Variants in SPIDR observed in about 807,000 individuals in gnomAD.
SPIDR encodes DNA repair-scaffolding protein.
In SPIDR, 93 loss-of-function variants were observed where a neutral mutation model predicts 104.6. The observed-to-expected ratio is 0.89, with a 90% CI of 0.75 to 1.06. The LOEUF (loss-of-function observed/expected upper bound fraction) is 1.06, where lower values mean the gene tolerates loss of function less well. SPIDR is among the 50% of genes least tolerant of loss of function. The pLI, the probability that SPIDR is intolerant of heterozygous loss-of-function variation, is 0.00. For synonymous variants in SPIDR, 431 were observed against 416.9 expected (o/e 1.03, Z -0.41); for missense variants, 1,154 against 1,111.2 (o/e 1.04, Z -0.55).
intron 11 of SPIDR, among the ~76,000 whole-genome samples, chr8:47,687,029 T>TA (rs2077919014): frequency 6.6e-6 from 1 of 152,208 alleles, no homozygotes; most frequent in Non-Finnish European, 1.5e-5. Context: ...TTGCAGTTTT[T>TA]ACCATTACTT....
intron 14 of SPIDR, among the ~76,000 whole-genome samples, chr8:47,703,370 A>G (rs560566998): frequency 2.6e-5 from 4 of 152,358 alleles, no homozygotes; most frequent in African/African-American, 9.6e-5. Flanking sequence ...GATGAATTGC[A>G]TATATACGAG....
At chr8:47,580,345 G>A (rs201821581) in intron 8 of SPIDR, among the ~76,000 whole-genome samples, 16 of 152,214 alleles carry the variant, frequency 1.1e-4, no homozygotes, top group South Asian at 6.2e-4. Flanking sequence ...CAGCAGTGCC[G>A]ACCATCCTTC....
At chr8:47,600,243 G>C (rs1404101577) in intron 10 of SPIDR, among the ~76,000 whole-genome samples, 2 of 152,186 alleles carry the variant, frequency 1.3e-5, no homozygotes, top group African/African-American at 2.4e-5. Context: ...GGGCATGGTT[G>C]CTCACACATA....
chr8:47,670,720 C>T (rs1048285441), intron 10 of SPIDR, among the ~76,000 whole-genome samples: 2 of 152,150 alleles, frequency 1.3e-5, no homozygotes, highest in Admixed American at 6.5e-5. Context: ...GAGCTCCAGT[C>T]ACTGCCCGTT....
chr8:47,684,285 A>G (rs1229944972), intron 11 of SPIDR, among the ~76,000 whole-genome samples: 5 of 152,118 alleles, frequency 3.3e-5, no homozygotes, highest in Non-Finnish European at 7.4e-5. Context: ...CTACTCCCAC[A>G]TAACCAAGGA....
rs1039119776 is a variant in SPIDR, at chr8:47,634,715, G to A, written c.1544+35519G>A. ...GCCCACCATGGCTGAGTGGGAGGGC[G>A]AGCTGTCATTGAGCAGTGCAAACTA... On this transcript the variant is annotated intron_variant, in intron 10 of 19. Transcript: ENST00000297423. 2.6e-5 allele frequency among the ~76,000 whole-genome samples: 4 copies of A among 152,284 alleles called. No individual in the cohort carries two copies. The East Asian group carries it at 7.7e-4, about 29-fold the overall frequency.
rs571379948 is a variant in SPIDR, at chr8:47,377,559, G to A, written c.526-18817G>A. 4.6e-5 allele frequency among the ~76,000 whole-genome samples: 7 copies of A among 152,330 alleles called. 2 individuals are homozygous for A. In the South Asian group the frequency reaches 1.5e-3, roughly 32 times the overall value. ...CATTATGTGCAAATATTGTCACTTG[G>A]TCCTAACAGTTGAGGATTTTTATTC... On this transcript the variant is annotated intron_variant, in intron 5 of 19. Coordinates refer to ENST00000297423, the MANE Select transcript of SPIDR (RefSeq NM_001080394.4).
intron 10 of SPIDR, among the ~76,000 whole-genome samples, chr8:47,645,488 G>T (rs1273688681): frequency 2.0e-5 from 3 of 152,098 alleles, no homozygotes; most frequent in African/African-American, 7.2e-5. Flanking sequence ...AATTGGATAT[G>T]CGCTTACCGT....
chr8:47,507,643 C>CTA (rs1008752533), intron 8 of SPIDR, among the ~76,000 whole-genome samples: 17 of 152,176 alleles, frequency 1.1e-4, no homozygotes, highest in East Asian at 7.7e-4. Context: ...CCTAAATATG[C>CTA]TATATATATA....
intron 11 of SPIDR, among the ~76,000 whole-genome samples, chr8:47,695,458 G>A (rs1210486686): frequency 1.3e-5 from 2 of 152,132 alleles, no homozygotes; most frequent in East Asian, 1.9e-4. Context: ...CCCGTTTTCT[G>A]TTGTCCACAG....
chr8:47,486,632 T>G (rs2077672626), intron 8 of SPIDR, among the ~76,000 whole-genome samples: 1 of 152,162 alleles, frequency 6.6e-6, no homozygotes, highest in Non-Finnish European at 1.5e-5. Context: ...GGGAAGCCCA[T>G]CAGACTAACA....
chr8:47,568,294 T>A (rs1438316946), intron 8 of SPIDR, among the ~76,000 whole-genome samples: 1 of 152,162 alleles, frequency 6.6e-6, no homozygotes, highest in Non-Finnish European at 1.5e-5. Flanking sequence ...TACACTTCTT[T>A]ATAGGGCCAA....
chr8:47,295,352 A>T (rs1198306143), intron 5 of SPIDR, among the ~76,000 whole-genome samples: 1 of 152,218 alleles, frequency 6.6e-6, no homozygotes, highest in African/African-American at 2.4e-5. Flanking sequence ...TGTAAAATAC[A>T]ATGCACTATT....
At chr8:47,409,205 G>A (rs1210041354) in intron 7 of SPIDR, among the ~76,000 whole-genome samples, 4 of 151,706 alleles carry the variant, frequency 2.6e-5, no homozygotes, top group African/African-American at 9.7e-5. Flanking sequence ...GAAAAAGAAT[G>A]AAATACTTAG....
intron 1 of SPIDR, among the ~76,000 whole-genome samples, chr8:47,277,300 A>T (rs1037210083): frequency 9.6e-5 from 14 of 145,644 alleles, no homozygotes; most frequent in African/African-American, 2.3e-4. Context: ...TTTTATTTTA[A>T]TTTATGTTAT....
At chr8:47,606,378 T>C (rs62539138) in intron 10 of SPIDR, among the ~76,000 whole-genome samples, 5 of 151,194 alleles carry the variant, frequency 3.3e-5, no homozygotes, top group African/African-American at 1.2e-4. Flanking sequence ...AAAAAAAAAT[T>C]AGCTGGGCGT....
At chr8:47,365,791 A>G (rs1392317145) in intron 5 of SPIDR, among the ~76,000 whole-genome samples, 2 of 152,074 alleles carry the variant, frequency 1.3e-5, no homozygotes, top group Non-Finnish European at 2.9e-5. Flanking sequence ...ATTAACCTCT[A>G]TTCTAAAGAC....
Position 47,655,552 on chromosome 8 carries a change from G to C in SPIDR, c.1545-18249G>C, listed in dbSNP as rs550046643. On this transcript the variant is annotated intron_variant, in intron 10 of 19. Coordinates refer to ENST00000297423, the MANE Select transcript of SPIDR (RefSeq NM_001080394.4). ...TGAGAAGTGTCTGTTCATATCCTTC[G>C]CCCACTTTTTGATGGGGTTGTTTGT... Among the ~76,000 whole-genome samples, 298 of 152,216 alleles carry C rather than the reference G, an allele frequency of 2.0e-3. 2 individuals are homozygous for C. Among genetic ancestry groups the C allele is most frequent in the African/African-American group, 6.8e-3 (281 of 41,514 alleles).
At chr8:47,640,725 T>A (rs1443081469) in intron 10 of SPIDR, among the ~76,000 whole-genome samples, 3 of 151,812 alleles carry the variant, frequency 2.0e-5, no homozygotes, top group Non-Finnish European at 4.4e-5. Context: ...TCGCCCAGGC[T>A]GGAGTGCAGT....
Sources: allele counts gnomAD v4.1 joint callset (sites outside exome capture counted in the v4.1 genomes callset), GRCh38; gene constraint gnomAD v4.1.1; transcripts MANE v1.5; gene names NCBI Gene and HGNC (gene_info 2026-07-23, HGNC 2026-07-21).